COL21A1: variants seen among roughly 807,000 people sequenced by gnomAD.
COL21A1 encodes collagen type XXI alpha 1 chain, also known as collagen alpha-1(XXI) chain.
A neutral mutation model predicts 137.9 loss-of-function variants in COL21A1; 149 were observed. That is an observed-to-expected ratio of 1.08 (90% CI 0.95 to 1.24). The LOEUF (loss-of-function observed/expected upper bound fraction) is 1.24, where lower values mean the gene tolerates loss of function less well. Ranked by LOEUF, COL21A1 falls within the 50% of genes most tolerant of loss-of-function variation. The probability of loss-of-function intolerance (pLI) is 0.00; values close to 1 mark genes in which losing one functional copy is unlikely to be tolerated. For synonymous variants in COL21A1, 456 were observed against 391.5 expected, an observed-to-expected ratio of 1.16 and a Z score of -1.95; for missense variants, 1,167 against 1,158.4, an observed-to-expected ratio of 1.01 and a Z score of -0.11.
intron 1 of COL21A1, among the ~76,000 whole-genome samples, chr6:56,185,546 C>CT (rs1423184088): frequency 1.3e-5 from 2 of 149,604 alleles, no homozygotes; most frequent in African/African-American, 4.9e-5. Flanking sequence ...CGCCATTCTC[C>CT]TGCCTCAGCC....
chr6:56,061,838 G>C (rs1765825868), intron 24 of COL21A1, among the ~76,000 whole-genome samples, 157 bp from the exon 25 acceptor site: 1 of 151,952 alleles, frequency 6.6e-6, no homozygotes, highest in African/African-American at 2.4e-5. Context: ...TTGCCTTTTA[G>C]AGAAGGCTAA....
At chr6:56,291,637 G>C (rs1030092076) in intron 1 of COL21A1, among the ~76,000 whole-genome samples, 1 of 152,230 alleles carries the variant, frequency 6.6e-6, no homozygotes, top group Non-Finnish European at 1.5e-5. Flanking sequence ...GGCAATAGCT[G>C]TAACTGGCAC....
intron 17 of COL21A1, among the ~76,000 whole-genome samples, chr6:56,098,606 A>AATATATATATAAAT (rs377218351): frequency 3.3e-4 from 1 of 3,070 alleles, no homozygotes; most frequent in African/African-American, 9.7e-4. Flanking sequence ...TATATATATA[A>AATATATATATAAAT]ATATATATAA....
intron 1 of COL21A1, among the ~76,000 whole-genome samples, chr6:56,201,148 GTTGT>G (rs1561978081): frequency 1.3e-5 from 2 of 152,056 alleles, no homozygotes; most frequent in African/African-American, 2.4e-5. Context: ...TTTTGATGGG[GTTGT>G]TTGTTTTTTT....
Position 56,164,826 on chromosome 6 carries a change from A to G in COL21A1, c.1279-4T>C. The G allele has an allele frequency of 6.4e-7, 1 of 1,555,346 alleles. No individual in the cohort carries two copies. Among genetic ancestry groups the G allele is most frequent in the South Asian group, 1.2e-5 (1 of 82,932 alleles). ...TATCCAAGCCTACCTCTCCATTCTG[A>G]AAGAAAAACAACAAATGTGTTTTAA... On this transcript the variant is annotated splice_polypyrimidine_tract_variant and splice_region_variant and intron_variant, in intron 7 of 29. Transcript: ENST00000244728.
intron 1 of COL21A1, among the ~76,000 whole-genome samples, chr6:56,217,015 A>G (rs2152309911): frequency 6.6e-6 from 1 of 152,204 alleles, no homozygotes; most frequent in East Asian, 1.9e-4. Context: ...TATTCTTCAA[A>G]TGTTAAAATT....
intron 1 of COL21A1, among the ~76,000 whole-genome samples, chr6:56,320,734 T>C (rs72870259): frequency 0.056 from 8,532 of 152,268 alleles, 318 homozygotes; most frequent in Non-Finnish European, 0.083. Context: ...CAGATTTCTG[T>C]TCAATGTTCA....
chr6:56,302,239 TA>T (rs1040855057), intron 1 of COL21A1, among the ~76,000 whole-genome samples: 52 of 152,084 alleles, frequency 3.4e-4, no homozygotes, highest in African/African-American at 1.3e-3. Flanking sequence ...TTTGGGTATA[TA>T]CCCAGTAATG....
intron 1 of COL21A1, among the ~76,000 whole-genome samples, chr6:56,255,143 C>T (rs1251373768): frequency 2.6e-5 from 4 of 152,102 alleles, no homozygotes; most frequent in African/African-American, 9.7e-5. Flanking sequence ...CTCTTTCCAG[C>T]TCTAATTGCT....
chr6:56,148,332 A>AAGAGAGAGAG (rs1554145096), intron 10 of COL21A1, among the ~76,000 whole-genome samples: 89 of 24,710 alleles, frequency 3.6e-3, no homozygotes, highest in African/African-American at 0.01. Flanking sequence ...TTAGTGAGAC[A>AAGAGAGAGAG]AGAGACAGAG....
intron 3 of COL21A1, among the ~76,000 whole-genome samples, chr6:56,178,746 C>T (rs1242871205): frequency 6.6e-6 from 1 of 152,000 alleles, no homozygotes; most frequent in African/African-American, 2.4e-5. Flanking sequence ...CTTCCCATAC[C>T]ATGCAGTTAT....
intron 1 of COL21A1, among the ~76,000 whole-genome samples, chr6:56,265,560 A>G (rs572999600): frequency 6.7e-6 from 1 of 149,696 alleles, no homozygotes; most frequent in South Asian, 2.1e-4. Context: ...TCAAAAACAC[A>G]GTGCATAAGC....
At chr6:56,301,743 G>A (rs1469922696) in intron 1 of COL21A1, among the ~76,000 whole-genome samples, 4 of 151,866 alleles carry the variant, frequency 2.6e-5, no homozygotes, top group Admixed American at 2.6e-4. Context: ...AAGTTTTAGG[G>A]TACATGTGCA....
chr6:56,085,904 TATAA>T (rs1375353487), intron 17 of COL21A1, among the ~76,000 whole-genome samples: 4 of 149,144 alleles, frequency 2.7e-5, no homozygotes, highest in African/African-American at 4.9e-5. Context: ...TTTATTTATA[TATAA>T]ATATATTTAT....
At chr6:56,129,986 A>G (rs559958351) in intron 12 of COL21A1, among the ~76,000 whole-genome samples, 38 of 151,172 alleles carry the variant, frequency 2.5e-4, no homozygotes, top group Non-Finnish European at 4.9e-4. Flanking sequence ...TGTGTCATTC[A>G]GAAATTTTAT....
At chr6:56,280,708 A>C (rs1171116511) in intron 1 of COL21A1, among the ~76,000 whole-genome samples, 3 of 152,200 alleles carry the variant, frequency 2.0e-5, no homozygotes, top group Non-Finnish European at 4.4e-5. Flanking sequence ...ACTGAGCCTT[A>C]TAGGGTCGAA....
intron 1 of COL21A1, among the ~76,000 whole-genome samples, chr6:56,266,454 A>G (rs1016243651): frequency 3.3e-5 from 5 of 152,138 alleles, no homozygotes; most frequent in African/African-American, 4.8e-5. Context: ...GTAGTAGCAT[A>G]GTTGGGTAGT....
rs759722305 is a variant in COL21A1 at position 56,069,065 on chromosome 6, G to T, written c.2072C>A (p.Pro691His). The T allele has an allele frequency of 2.5e-6, 4 of 1,600,316 alleles. No individual in the cohort carries two copies. Among genetic ancestry groups the T allele is most frequent in the Non-Finnish European group, 3.4e-6 (4 of 1,173,272 alleles). Residue 691 changes from proline to histidine, a missense_variant, in exon 22 of 30, where the codon CCC becomes CAC. Pro to His is a moderately conservative substitution (Grantham distance 77). Transcript: ENST00000244728. ...GCATACCTTTTTTCCTTGAATCCCG[G>T]GTAAACCCATGTATCCTGGTTCTCC... is the stretch of plus-strand genomic sequence containing the variant. Reference protein sequence around the residue: ...SPGEPGYMGLPGIQGKKGDKG... With the variant: ...SPGEPGYMGLHGIQGKKGDKG...
At chr6:56,354,530 A>G (rs1765788118) in intron 1 of COL21A1, among the ~76,000 whole-genome samples, 1 of 152,202 alleles carries the variant, frequency 6.6e-6, no homozygotes, top group Non-Finnish European at 1.5e-5. Flanking sequence ...TGACATGACT[A>G]GATTCCCATT....
Sources: gnomAD v4.1 joint callset for allele counts (sites outside exome capture counted in the v4.1 genomes callset) on GRCh38, gnomAD v4.1.1 for gene constraint, MANE v1.5 for transcripts, NCBI Gene and HGNC (gene_info 2026-07-23, HGNC 2026-07-21) for gene names.